The following PALM2AKAP2 variants were observed in gnomAD, a reference collection of about 807,000 sequenced individuals.
PALM2AKAP2 encodes PALM2-AKAP2 fusion protein.
In PALM2AKAP2, 37 loss-of-function variants were observed where a neutral mutation model predicts 71.5. The observed-to-expected ratio is 0.52, with a 90% CI of 0.40 to 0.68. PALM2AKAP2 has a LOEUF of 0.68. Ranked by LOEUF, PALM2AKAP2 falls within the 30% of genes least tolerant of loss-of-function variation. PALM2AKAP2 has a pLI of 0.00. For missense variants in PALM2AKAP2, 1,224 were observed against 1,191.8 expected (o/e 1.03, Z -0.40); for synonymous variants, 468 against 478.8 (o/e 0.98, Z 0.29).
chr9:109,976,733 A>ATC (rs1163168178), intron 6 of PALM2AKAP2, among the ~76,000 whole-genome samples: 3 of 152,214 alleles, frequency 2.0e-5, no homozygotes, highest in Non-Finnish European at 4.4e-5. Context: ...TATATGTGTT[A>ATC]TCTCATTAAA....
intron 6 of PALM2AKAP2, among the ~76,000 whole-genome samples, chr9:109,946,934 A>G (rs1329387711): frequency 6.6e-6 from 1 of 152,224 alleles, no homozygotes; most frequent in Non-Finnish European, 1.5e-5. Context: ...GCAATAAGAC[A>G]AACTAAGGGG....
At chr9:109,954,959 G>T (rs1256425622) in intron 6 of PALM2AKAP2, among the ~76,000 whole-genome samples, 1 of 152,052 alleles carries the variant, frequency 6.6e-6, no homozygotes, top group Non-Finnish European at 1.5e-5. Flanking sequence ...CTTTAGAGGA[G>T]CCATATTCCG....
chr9:109,792,247 C>A (rs1001960060), intron 1 of PALM2AKAP2, among the ~76,000 whole-genome samples: 2 of 152,040 alleles, frequency 1.3e-5, no homozygotes, highest in Admixed American at 1.3e-4. Flanking sequence ...AAACTACAAG[C>A]ACTCTTTAAA....
At chr9:109,850,948 C>T (rs914296942) in intron 1 of PALM2AKAP2, among the ~76,000 whole-genome samples, 10 of 151,956 alleles carry the variant, frequency 6.6e-5, no homozygotes, top group South Asian at 2.1e-4. Context: ...GAGGCCGAGG[C>T]GGGCGGATCA....
chr9:109,826,225 G>A (rs1381868195), intron 1 of PALM2AKAP2, among the ~76,000 whole-genome samples: 1 of 139,572 alleles, frequency 7.2e-6, no homozygotes, highest in Admixed American at 7.1e-5. Context: ...GGGGGTGGGG[G>A]TAGGGGGGAG....
chr9:110,016,949 G>T (rs142484340), intron 7 of PALM2AKAP2, among the ~76,000 whole-genome samples: 3 of 151,982 alleles, frequency 2.0e-5, no homozygotes, highest in Admixed American at 6.6e-5. Flanking sequence ...GTGCGATCTC[G>T]GCTCACTGCA....
At chr9:109,983,864 T>TA (rs75307914) in intron 6 of PALM2AKAP2, among the ~76,000 whole-genome samples, 47 of 139,756 alleles carry the variant, frequency 3.4e-4, no homozygotes, top group Middle Eastern at 3.7e-3. Flanking sequence ...GACCCTGACT[T>TA]AAAAAAAAAA....
At chr9:109,762,187 A>G (rs1452987271) in intron 1 of PALM2AKAP2, among the ~76,000 whole-genome samples, 1 of 151,916 alleles carries the variant, frequency 6.6e-6, no homozygotes, top group Admixed American at 6.6e-5. Context: ...ATTGTTTCAT[A>G]TAAACCTATG....
chr9:110,045,708 C>T (rs1191225080), upstream of PALM2AKAP2, among the ~76,000 whole-genome samples: 1 of 152,152 alleles, frequency 6.6e-6, no homozygotes, highest in African/African-American at 2.4e-5. Flanking sequence ...GCTGGGATTA[C>T]AGGCTTCTGC....
intron 3 of PALM2AKAP2, 93 bp downstream of exon 3, chr9:109,880,774 C>T: frequency 6.8e-7 from 1 of 1,475,044 alleles, no homozygotes; most frequent in Non-Finnish European, 9.0e-7. Context: ...ATACTGTTAC[C>T]TTCTCCTGTA....
chr9:109,797,135 A>G (rs1041774189), intron 1 of PALM2AKAP2, among the ~76,000 whole-genome samples: 4 of 152,008 alleles, frequency 2.6e-5, no homozygotes, highest in African/African-American at 9.7e-5. Flanking sequence ...GTTCTTCCCC[A>G]GCAAATTTTT....
At chr9:110,003,049 T>C (rs758462817) in intron 6 of PALM2AKAP2, among the ~76,000 whole-genome samples, 1 of 152,260 alleles carries the variant, frequency 6.6e-6, no homozygotes, top group Non-Finnish European at 1.5e-5. Flanking sequence ...TGCTCTGATC[T>C]TAGTTATTTC....
chr9:110,047,938 C>A (rs984631635), upstream of PALM2AKAP2, among the ~76,000 whole-genome samples: 3 of 152,154 alleles, frequency 2.0e-5, no homozygotes, highest in Non-Finnish European at 4.4e-5. Context: ...CTAATACAGC[C>A]CCAGTCTGCG....
intron 1 of PALM2AKAP2, among the ~76,000 whole-genome samples, chr9:109,662,936 T>C (rs1397899063): frequency 2.0e-5 from 3 of 152,204 alleles, no homozygotes; most frequent in East Asian, 3.8e-4. Flanking sequence ...TTCTTCTAGA[T>C]TTTCAAGTTT....
chr9:110,106,473 G>C (rs1315041378), intron 1 of PALM2AKAP2, among the ~76,000 whole-genome samples: 1 of 152,160 alleles, frequency 6.6e-6, no homozygotes, highest in East Asian at 1.9e-4. Context: ...ATTGTTGCTG[G>C]GGGGGATGTG....
intron 1 of PALM2AKAP2, among the ~76,000 whole-genome samples, chr9:110,075,008 AAAAAAG>A (rs1226936779): frequency 2.0e-5 from 3 of 151,644 alleles, no homozygotes; most frequent in African/African-American, 7.3e-5. Flanking sequence ...ATCTCAAGAA[AAAAAAG>A]AAAAAGAAAA....
rs28673466 is a variant in PALM2AKAP2 at position 110,121,722 on chromosome 9, T to C, written c.157-14405T>C. 5.2e-3 allele frequency among the ~76,000 whole-genome samples: 791 copies of C among 152,282 alleles called. 6 individuals carry two copies. Among genetic ancestry groups the C allele is most frequent in the African/African-American group, 0.018 (758 of 41,546 alleles). On this transcript the variant is annotated intron_variant, in intron 1 of 3. Coordinates refer to ENST00000374525, the Ensembl canonical transcript of PALM2AKAP2. ...GAATAAAATCCTTCCGTTAAAGAGATAAAGTTCTGACAAGGGGATTGTCTA... is the reference window on the plus strand; with the variant it reads ...GAATAAAATCCTTCCGTTAAAGAGACAAAGTTCTGACAAGGGGATTGTCTA...
chr9:109,799,311 G>A (rs536283547), intron 1 of PALM2AKAP2, among the ~76,000 whole-genome samples: 1 of 152,232 alleles, frequency 6.6e-6, no homozygotes, highest in Non-Finnish European at 1.5e-5. Context: ...GATGTGGTCT[G>A]TGAGAGGCTG....
chr9:109,942,826 G>A, intron 6 of PALM2AKAP2: 2 of 1,614,198 alleles, frequency 1.2e-6, no homozygotes, highest in Non-Finnish European at 1.7e-6. Context: ...AGTAGTGTAT[G>A]AGGTGCGCTC....
Sources: gnomAD v4.1 joint callset for allele counts (sites outside exome capture counted in the v4.1 genomes callset) on GRCh38, gnomAD v4.1.1 for gene constraint, MANE v1.5 for transcripts, NCBI Gene and HGNC (gene_info 2026-07-23, HGNC 2026-07-21) for gene names.